Variants in MYO1E observed in about 807,000 individuals in gnomAD.
The protein encoded by MYO1E is unconventional myosin-Ie.
A neutral mutation model predicts 151.1 loss-of-function variants in MYO1E; 68 were observed. That is an observed-to-expected ratio of 0.45 (90% CI 0.37 to 0.55). The LOEUF (loss-of-function observed/expected upper bound fraction) is 0.55. Among genes scored for constraint, MYO1E ranks in the 20% least tolerant of loss-of-function variants. The probability of loss-of-function intolerance (pLI) is 0.00; values close to 1 mark genes in which losing one functional copy is unlikely to be tolerated. For missense variants in MYO1E, 1,363 were observed against 1,389.3 expected, an observed-to-expected ratio of 0.98 and a Z score of 0.30; for synonymous variants, 601 against 501.7, an observed-to-expected ratio of 1.20 and a Z score of -2.64.
At chr15:59,151,056 C>CGT (rs1566964886) in intron 26 of MYO1E, among the ~76,000 whole-genome samples, 18 of 141,250 alleles carry the variant, frequency 1.3e-4, no homozygotes, top group South Asian at 6.4e-4. Context: ...CACACGCGCG[C>CGT]GCGCGCACGT....
chr15:59,314,733 AG>A (rs2080575347), intron 1 of MYO1E, among the ~76,000 whole-genome samples: 1 of 152,144 alleles, frequency 6.6e-6, no homozygotes, highest in Non-Finnish European at 1.5e-5. Flanking sequence ...AGTGGATACC[AG>A]GGATGTAGCT....
chr15:59,153,764 T>C lies in MYO1E; in HGVS notation c.2906A>G (p.Asn969Ser). 1 of 1,613,946 alleles carries C rather than the reference T, an allele frequency of 6.2e-7. No individual in the cohort carries two copies. Among genetic ancestry groups the C allele is most frequent in the Non-Finnish European group, 8.5e-7 (1 of 1,179,860 alleles). ...PGYHQNGVIR[N>S]QYVPYPHAPG... ...AGCATGGGGATATGGCACATACTGGTTTCTGATGACTCCGTTCTGATGGTA... is the reference window on the plus strand; with the variant it reads ...AGCATGGGGATATGGCACATACTGGCTTCTGATGACTCCGTTCTGATGGTA... Residue 969 changes from asparagine to serine, a missense_variant, in exon 26 of 28, where the codon AAC (asparagine) becomes AGC (serine). By Grantham distance (46) the Asn-to-Ser change is conservative. Coordinates refer to ENST00000288235, the MANE Select transcript of MYO1E (RefSeq NM_004998.4).
intron 1 of MYO1E, among the ~76,000 whole-genome samples, chr15:59,365,084 A>C (rs1286465683): frequency 6.8e-6 from 1 of 146,596 alleles, no homozygotes; most frequent in African/African-American, 2.5e-5. Context: ...CAATGGTGTG[A>C]TCTCGGCTCA....
At chr15:59,306,662 A>G (rs958692835) in intron 1 of MYO1E, among the ~76,000 whole-genome samples, 6 of 152,248 alleles carry the variant, frequency 3.9e-5, no homozygotes, top group African/African-American at 7.2e-5. Flanking sequence ...AAGGTCTCAA[A>G]GGACTTTGCT....
intron 18 of MYO1E, 62 bp from the exon 19 acceptor site, chr15:59,178,599 G>C: frequency 6.3e-6 from 10 of 1,585,112 alleles, no homozygotes; most frequent in African/African-American, 1.3e-5. Context: ...TTTTCTACCC[G>C]GGCAAGGCAG....
rs1387709265 is a variant in MYO1E at position 59,236,363 on chromosome 15, A to AAAT, written c.420+221_420+222insATT. Among the ~76,000 whole-genome samples, 111 of 60,814 alleles carry AAAT rather than the reference A, an allele frequency of 1.8e-3. 7 individuals are homozygous for AAAT. In the East Asian group the frequency reaches 0.032, roughly 17 times the overall value. The allele number at this position is 60,814 out of a possible 152,430, so 39.9% of individuals were successfully genotyped here. On this transcript the variant is annotated intron_variant, in intron 5 of 27. Transcript: ENST00000288235. ...TCTGTCTCAAAAAAGAAAAAAAAAAAATATATACACACACACACACACACA... is the reference window on the plus strand; with the variant it reads ...TCTGTCTCAAAAAAGAAAAAAAAAAAAATATATATACACACACACACACACACA...
chr15:59,190,652 C>A (rs1011553356), intron 17 of MYO1E, among the ~76,000 whole-genome samples: 3 of 152,214 alleles, frequency 2.0e-5, no homozygotes, highest in Admixed American at 1.3e-4. Context: ...TGCCACGATG[C>A]AACTTCTCTG....
chr15:59,204,984 G>A (rs1318619422), intron 15 of MYO1E, among the ~76,000 whole-genome samples: 1 of 152,174 alleles, frequency 6.6e-6, no homozygotes, highest in Admixed American at 6.5e-5. Flanking sequence ...CCTGTAGATG[G>A]CACTTGGAAT....
At chr15:59,290,521 AT>A (rs1400940635) in intron 1 of MYO1E, among the ~76,000 whole-genome samples, 2 of 152,162 alleles carry the variant, frequency 1.3e-5, no homozygotes, top group African/African-American at 4.8e-5. Flanking sequence ...CCTTGAAAGC[AT>A]GCCTCGTAGC....
At chr15:59,140,078 G>C (rs2079400537) in intron 26 of MYO1E, among the ~76,000 whole-genome samples, 1 of 152,128 alleles carries the variant, frequency 6.6e-6, no homozygotes, top group Non-Finnish European at 1.5e-5. Context: ...GTGTGTGTGT[G>C]TGTGTGTGTA....
intron 1 of MYO1E, among the ~76,000 whole-genome samples, chr15:59,282,943 GGGGAGGGGGGAGA>G (rs2080364473): frequency 2.2e-4 from 1 of 4,638 alleles, no homozygotes; most frequent in African/African-American, 7.4e-4. Flanking sequence ...GGAGGGGGAG[GGGGAGGGGGGAGA>G]GGGGAGGGGA....
At chr15:59,211,999 T>C (rs1289728787) in intron 12 of MYO1E, among the ~76,000 whole-genome samples, 3 of 152,080 alleles carry the variant, frequency 2.0e-5, no homozygotes, top group Non-Finnish European at 4.4e-5. Flanking sequence ...AATCACATCA[T>C]GTCACTCCTC....
chr15:59,144,190 T>C (rs2079427443), intron 26 of MYO1E, among the ~76,000 whole-genome samples: 1 of 152,034 alleles, frequency 6.6e-6, no homozygotes, highest in Non-Finnish European at 1.5e-5. Flanking sequence ...TTTTTGAGAC[T>C]GAGTCTCACT....
Position 59,236,365 on chromosome 15 carries a change from T to A in MYO1E, c.420+220A>T, listed in dbSNP as rs59974668. ...TGTCTCAAAAAAGAAAAAAAAAAAA[T>A]ATATACACACACACACACACACACA... On this transcript the variant is annotated intron_variant, in intron 5 of 27. Coordinates refer to ENST00000288235, the MANE Select transcript of MYO1E (RefSeq NM_004998.4). Among the ~76,000 whole-genome samples the A allele has an allele frequency of 0.72, 70,510 of 97,838 alleles. 24,128 individuals carry two copies. The highest frequency in any genetic ancestry group is 0.83 in the East Asian group (3,260 of 3,918). The allele number at this position is 97,838 out of a possible 152,430, so 64.2% of individuals were successfully genotyped here.
intron 26 of MYO1E, among the ~76,000 whole-genome samples, chr15:59,151,061 GCACGTGCA>G (rs1566964903): frequency 6.7e-5 from 10 of 148,738 alleles, no homozygotes; most frequent in African/African-American, 2.3e-4. Flanking sequence ...GCGCGCGCGC[GCACGTGCA>G]CTTAGAGAGA....
At chr15:59,230,215 A>AGACTGTGT (rs2080018726) in intron 6 of MYO1E, among the ~76,000 whole-genome samples, 1 of 118,346 alleles carries the variant, frequency 8.4e-6, no homozygotes, top group Non-Finnish European at 1.7e-5. Flanking sequence ...AGAGAGAGAC[A>AGACTGTGT]GTGTGTGTTT....
intron 6 of MYO1E, among the ~76,000 whole-genome samples, chr15:59,231,170 T>G (rs2080025393): frequency 6.6e-6 from 1 of 152,106 alleles, no homozygotes; most frequent in South Asian, 2.1e-4. Flanking sequence ...GTTACATGAG[T>G]AGGGCATAAG....
intron 1 of MYO1E, among the ~76,000 whole-genome samples, chr15:59,346,647 C>A (rs189972080): frequency 6.6e-6 from 1 of 152,272 alleles, no homozygotes; most frequent in African/African-American, 2.4e-5. Flanking sequence ...GGGAAGATGG[C>A]TGGGCATGGT....
rs530647024 is a variant in MYO1E, at chr15:59,155,850, C to T, written c.2879-2059G>A. Among the ~76,000 whole-genome samples, 25 of 151,796 alleles carry T rather than the reference C, an allele frequency of 1.6e-4. No individual in the cohort carries two copies. In the East Asian group the frequency reaches 2.3e-3, roughly 14 times the overall value. Reference sequence around the variant, plus strand: ...TGAGATTCCAGAGACTAAAGAAATGCCCTTTTCTGGGGGGAAGGTGGGGGT... The same window carrying T: ...TGAGATTCCAGAGACTAAAGAAATGTCCTTTTCTGGGGGGAAGGTGGGGGT... On this transcript the variant is annotated intron_variant, in intron 25 of 27. Transcript: ENST00000288235.
Sources: gnomAD v4.1 joint callset for allele counts (sites outside exome capture counted in the v4.1 genomes callset) on GRCh38, gnomAD v4.1.1 for gene constraint, MANE v1.5 for transcripts, NCBI Gene and HGNC (gene_info 2026-07-23, HGNC 2026-07-21) for gene names.